Variants in PTP4A3 observed in about 807,000 individuals in gnomAD.
PTP4A3 encodes the protein protein tyrosine phosphatase 4A3.
A neutral mutation model predicts 15.2 loss-of-function variants in PTP4A3; 9 were observed. The ratio of observed to expected loss-of-function variants is 0.59; its 90% CI spans 0.36 to 1.03. The LOEUF (loss-of-function observed/expected upper bound fraction) is 1.03, where lower values mean the gene tolerates loss of function less well. PTP4A3 is among the 50% of genes least tolerant of loss of function. The pLI is 0.02. For synonymous variants in PTP4A3, 95 were observed against 102.0 expected (o/e 0.93, Z 0.41); for missense variants, 234 against 252.1 (o/e 0.93, Z 0.49).
intron 1 of PTP4A3, 50 bp downstream of exon 1, chr8:141,392,134 G>A (rs1832296229): frequency 1.4e-5 from 2 of 147,120 alleles, no homozygotes; most frequent in East Asian, 3.9e-4. Context: ...GCGCTTTGTG[G>A]AGGCGCGTGG....
At chr8:141,413,241 C>A (rs1832916206) in intron 1 of PTP4A3, among the ~76,000 whole-genome samples, 1 of 152,218 alleles carries the variant, frequency 6.6e-6, no homozygotes, top group Non-Finnish European at 1.5e-5. Context: ...CTTGGCAGGG[C>A]CTCAGGGACT....
chr8:141,403,256 C>T (rs1002339191), intron 1 of PTP4A3, among the ~76,000 whole-genome samples: 5 of 152,230 alleles, frequency 3.3e-5, no homozygotes, highest in Middle Eastern at 3.2e-3. Flanking sequence ...TCGCGCGGGG[C>T]CAAGGAGGCT....
At chr8:141,416,102 G>T (rs1321535693) in intron 1 of PTP4A3, among the ~76,000 whole-genome samples, 1 of 152,200 alleles carries the variant, frequency 6.6e-6, no homozygotes, top group Non-Finnish European at 1.5e-5. Flanking sequence ...GGGTGATGAG[G>T]ATGCTGGGGT....
intron 2 of PTP4A3, among the ~76,000 whole-genome samples, chr8:141,423,022 T>C (rs1586561859): frequency 6.6e-6 from 1 of 152,240 alleles, no homozygotes; most frequent in East Asian, 1.9e-4. Flanking sequence ...TTGCAGCGTC[T>C]GCAGTTGTGT....
chr8:141,425,681 C>T lies in PTP4A3; in HGVS notation c.198+541C>T, dbSNP rs778952271. ...AGCCAGCCCCAGGGGGGTCCACCCC[C>T]GGCCCGGTGGACGACTGCCCCCCTG... On this transcript the variant is annotated intron_variant, in intron 3 of 5. Transcript: ENST00000521578. This position sits in a 1 kb window ranked among gnomAD's most constrained non-coding sequence, Gnocchi z 4.2. Among the ~76,000 whole-genome samples, 2 of 152,142 alleles carry T rather than the reference C, an allele frequency of 1.3e-5. No individual in the cohort carries two copies. The highest frequency in any genetic ancestry group is 2.4e-5 in the African/African-American group (1 of 41,434).
chr8:141,404,318 T>C (rs1181691317), intron 1 of PTP4A3, among the ~76,000 whole-genome samples: 1 of 152,280 alleles, frequency 6.6e-6, no homozygotes, highest in East Asian at 1.9e-4. Flanking sequence ...TCGGGGCCTC[T>C]GCGCCTCTCC....
At chr8:141,418,080 G>A (rs1373662909) in intron 1 of PTP4A3, among the ~76,000 whole-genome samples, 8 of 152,036 alleles carry the variant, frequency 5.3e-5, no homozygotes, top group Non-Finnish European at 1.0e-4. Context: ...CCCCGCCGGG[G>A]AGGAGGTGGC....
intron 1 of PTP4A3, among the ~76,000 whole-genome samples, chr8:141,416,421 G>A: frequency 6.6e-6 from 1 of 152,186 alleles, no homozygotes; most frequent in South Asian, 2.1e-4. Context: ...CTTGCTTGTG[G>A]AATGCAGTGT....
rs972445016 is a variant in PTP4A3, at chr8:141,426,963, C to T, written c.223C>T (p.Pro75Ser). 1.1e-5 allele frequency: 18 copies of T among 1,610,328 alleles called. No homozygotes were observed. The highest frequency in any genetic ancestry group is 4.0e-5 in the African/African-American group (3 of 74,916). ...VVDWPFDDGA[P>S]PPGKVVEDWL... The stretch of plus-strand genomic sequence containing the variant: ...GGACTGGCCGTTTGACGATGGGGCG[C>T]CCCCGCCCGGCAAGGTAGTGGAAGA... Residue 75 changes from proline (P) to serine (S), a missense_variant, in exon 4 of 6, where the codon CCC becomes TCC. Coordinates refer to ENST00000521578, the MANE Select transcript of PTP4A3 (RefSeq NM_032611.3).
intron 2 of PTP4A3, among the ~76,000 whole-genome samples, chr8:141,422,578 G>T (rs925802988): frequency 3.3e-5 from 5 of 152,138 alleles, no homozygotes; most frequent in Non-Finnish European, 1.5e-5. Context: ...TGGGAGGCCT[G>T]CAGGGGGCTG....
intron 1 of PTP4A3, among the ~76,000 whole-genome samples, chr8:141,399,826 G>A (rs1002652842): frequency 6.6e-6 from 1 of 152,254 alleles, no homozygotes; most frequent in Non-Finnish European, 1.5e-5. Context: ...GGCTGGGGAC[G>A]TGCAATGGCA....
intron 5 of PTP4A3, among the ~76,000 whole-genome samples, chr8:141,428,178 C>T (rs761380439): frequency 1.3e-5 from 2 of 152,142 alleles, no homozygotes; most frequent in Non-Finnish European, 2.9e-5. Flanking sequence ...ACCTGAAACC[C>T]CACACCACAC....
intron 2 of PTP4A3, among the ~76,000 whole-genome samples, chr8:141,422,622 T>G: frequency 6.6e-6 from 1 of 150,532 alleles, no homozygotes; most frequent in Non-Finnish European, 1.5e-5. Flanking sequence ...GCTGTGTGGA[T>G]AGAGGCAGGG....
rs1833858991 is a variant in PTP4A3 at position 141,431,186 on chromosome 8, C to T, written c.*142C>T. 2.7e-6 allele frequency: 2 copies of T among 753,462 alleles called. No homozygotes were observed. The highest frequency in any genetic ancestry group is 1.8e-5 in the African/African-American group (1 of 56,868). The allele number at this position is 753,462 out of a possible 1,614,324, so 46.7% of individuals were successfully genotyped here. A position where few individuals can be genotyped will look rare whatever the true frequency, so the allele number is the denominator to read the frequency against. ...CACATCGCCTTTTCCTCCCCGACAC[C>T]TCCGTGCACTTGTGTCCGAGGAGCG... On this transcript the variant is annotated 3_prime_UTR_variant, in exon 6 of 6. Coordinates refer to ENST00000521578, the MANE Select transcript of PTP4A3 (RefSeq NM_032611.3).
intron 1 of PTP4A3, among the ~76,000 whole-genome samples, chr8:141,415,620 AGGGCGGGGGGCAGGGGGCG>A (rs1450479418): frequency 2.8e-5 from 1 of 35,866 alleles, no homozygotes; most frequent in African/African-American, 1.0e-4. Flanking sequence ...ACGTGCGCGG[AGGGCGGGGGGCAGGGGGCG>A]GGGCGGGGGG....
At position 141,422,009 on chromosome 8, in the gene PTP4A3, T is replaced by G; in HGVS notation, c.-232T>G. The G allele has an allele frequency of 1.3e-5, 6 of 475,982 alleles. No homozygotes were observed. The highest frequency in any genetic ancestry group is 4.0e-5 in the Admixed American group (1 of 25,008). The allele number at this position is 475,982 out of a possible 1,614,324, so 29.5% of individuals were successfully genotyped here. The stretch of plus-strand genomic sequence containing the variant: ...TTTTGTTCCTTTTCTTTTTTAAGAG[T>G]TGGGTTTTCTTTTTTAATTATCCAA... On this transcript the variant is annotated 5_prime_UTR_variant, in exon 2 of 6. Transcript: ENST00000521578.
intron 1 of PTP4A3, among the ~76,000 whole-genome samples, chr8:141,412,126 T>C (rs1275014386): frequency 6.6e-6 from 1 of 152,088 alleles, no homozygotes; most frequent in Non-Finnish European, 1.5e-5. Context: ...GTCATGGGTA[T>C]ATGGGGGTGC....
At chr8:141,400,816 G>A (rs912949123) in intron 1 of PTP4A3, among the ~76,000 whole-genome samples, 7 of 152,198 alleles carry the variant, frequency 4.6e-5, no homozygotes, top group Non-Finnish European at 8.8e-5. Context: ...AGAGAGGGGC[G>A]GTCCTGACCC....
rs1006078723 is a variant in PTP4A3 at position 141,421,523 on chromosome 8, C to T, written c.-718C>T. 6.5e-6 allele frequency: 1 copy of T among 152,872 alleles called. No individual in the cohort carries two copies. Among genetic ancestry groups the T allele is most frequent in the African/African-American group, 2.4e-5 (1 of 41,486 alleles). 9.5% of individuals were successfully genotyped at this position (152,872 alleles called of 1,614,324 possible). The stretch of plus-strand genomic sequence containing the variant: ...CACTGGCTCTCACCATTGCCCTCGC[C>T]TGCCGATGGCCTCTGCTGCCCAGCC... On this transcript the variant is annotated 5_prime_UTR_variant, in exon 2 of 6. Coordinates refer to ENST00000521578, the MANE Select transcript of PTP4A3 (RefSeq NM_032611.3).
Sources: gnomAD v4.1 joint callset for allele counts (sites outside exome capture counted in the v4.1 genomes callset) on GRCh38, gnomAD v4.1.1 for gene constraint, Gnocchi (gnomAD v3.1) non-coding constraint, MANE v1.5 for transcripts, NCBI Gene and HGNC (gene_info 2026-07-23, HGNC 2026-07-21) for gene names.